Variants in CORO2B observed in about 807,000 individuals in gnomAD.
CORO2B encodes coronin 2B, also known as coronin-2B.
In CORO2B, 26 loss-of-function variants were observed where a neutral mutation model predicts 58.8. The ratio of observed to expected loss-of-function variants is 0.44; its 90% CI spans 0.32 to 0.61. The LOEUF is 0.61. Ranked by LOEUF, CORO2B falls within the 20% of genes least tolerant of loss-of-function variation. The pLI, the probability that CORO2B is intolerant of heterozygous loss-of-function variation, is 0.04. For synonymous variants in CORO2B, 242 were observed against 253.8 expected, an observed-to-expected ratio of 0.95 and a Z score of 0.44; for missense variants, 460 against 645.1, an observed-to-expected ratio of 0.71 and a Z score of 3.11.
At chr15:68,571,543 CA>C in the CORO2B span, among the ~76,000 whole-genome samples, 6 of 152,184 alleles carry the variant, frequency 3.9e-5, no homozygotes, top group Non-Finnish European at 8.8e-5. Flanking sequence ...GGAAAATAAA[CA>C]AATATGTTAC....
rs1892890974 is a variant in CORO2B at position 68,710,607 on chromosome 15, C to T, written c.334-125C>T. The T allele has an allele frequency of 2.5e-6, 3 of 1,205,138 alleles. No individual in the cohort carries two copies. The highest frequency in any genetic ancestry group is 2.7e-5 in the East Asian group (1 of 36,766). 74.7% of individuals were successfully genotyped at this position (1,205,138 alleles called of 1,614,324 possible). A position where few individuals can be genotyped will look rare whatever the true frequency, so the allele number is the denominator to read the frequency against. On this transcript the variant is annotated intron_variant, in intron 3 of 11. Transcript: ENST00000261861. This position sits in a 1 kb window ranked among gnomAD's most constrained non-coding sequence, Gnocchi z 4.1. ...GCCTCAGTCGAGCTTTGCCCATCGC[C>T]TCAAGCCAGGAGGTGGCTCATCAGG...
intron 1 of CORO2B, among the ~76,000 whole-genome samples, chr15:68,634,512 GGAGGTAAA>G (rs1900966182): frequency 6.6e-6 from 1 of 152,178 alleles, no homozygotes; most frequent in African/African-American, 2.4e-5. Context: ...GGAGGAACTG[GGAGGTAAA>G]GGGACAGATG....
chr15:68,660,741 C>T (rs1367337227), intron 2 of CORO2B, among the ~76,000 whole-genome samples: 1 of 152,148 alleles, frequency 6.6e-6, no homozygotes, highest in Non-Finnish European at 1.5e-5. Context: ...TCATTATTTC[C>T]TTGAATGGCT....
chr15:68,630,397 A>G (rs1334492012), intron 1 of CORO2B, among the ~76,000 whole-genome samples: 2 of 150,734 alleles, frequency 1.3e-5, no homozygotes, highest in Non-Finnish European at 2.9e-5. Flanking sequence ...GTGCTGAGGG[A>G]TGAGAGAAAA....
intron 1 of CORO2B, among the ~76,000 whole-genome samples, chr15:68,595,038 G>T (rs943938919): frequency 2.0e-5 from 3 of 152,176 alleles, no homozygotes; most frequent in Admixed American, 6.5e-5. Flanking sequence ...AGTTCTGTCT[G>T]CCCCTTGATA....
intron 2 of CORO2B, among the ~76,000 whole-genome samples, chr15:68,680,944 T>C (rs1387435480): frequency 3.3e-5 from 5 of 152,186 alleles, no homozygotes; most frequent in Admixed American, 2.6e-4. Flanking sequence ...CCGGGCGCGG[T>C]GGCTCACGCC....
At chr15:68,661,047 A>G (rs1901998073) in intron 2 of CORO2B, among the ~76,000 whole-genome samples, 1 of 149,906 alleles carries the variant, frequency 6.7e-6, no homozygotes, top group Non-Finnish European at 1.5e-5. Flanking sequence ...GAGTGATGTC[A>G]GCTCACTGCA....
At chr15:68,707,650 A>T (rs1288053040) in intron 3 of CORO2B, among the ~76,000 whole-genome samples, 3 of 152,222 alleles carry the variant, frequency 2.0e-5, no homozygotes, top group African/African-American at 7.2e-5. Flanking sequence ...GTGTAATAGT[A>T]TCCCTTCTGG....
chr15:68,600,546 C>G (rs62002126), intron 1 of CORO2B, among the ~76,000 whole-genome samples: 141 of 152,312 alleles, frequency 9.3e-4, no homozygotes, highest in Non-Finnish European at 1.5e-3. Context: ...AACAGCCTCT[C>G]TCTGAACTCC....
chr15:68,702,339 G>T (rs548722789), intron 3 of CORO2B, among the ~76,000 whole-genome samples: 34 of 152,154 alleles, frequency 2.2e-4, no homozygotes, highest in African/African-American at 8.0e-4. Context: ...TGCATCCAGC[G>T]CCACAACGAC....
At chr15:68,715,340 G>T (rs1169001595) in intron 8 of CORO2B, 29 bp downstream of exon 8, 2 of 1,515,522 alleles carry the variant, frequency 1.3e-6, no homozygotes, top group African/African-American at 1.4e-5. Context: ...GCCACAGCTG[G>T]TGTGCTCATG....
upstream of CORO2B, among the ~76,000 whole-genome samples, chr15:68,577,196 A>T (rs1407363715): frequency 6.6e-6 from 1 of 152,162 alleles, no homozygotes; most frequent in Non-Finnish European, 1.5e-5. Context: ...CTATGTCCTA[A>T]GACACCTGTG....
chr15:68,660,634 G>A (rs1901983318), intron 2 of CORO2B, among the ~76,000 whole-genome samples: 1 of 152,180 alleles, frequency 6.6e-6, no homozygotes, highest in Non-Finnish European at 1.5e-5. Context: ...GCTTCCCAAA[G>A]TGTTGGGATT....
At chr15:68,716,481 G>C (rs1026851955) in intron 8 of CORO2B, among the ~76,000 whole-genome samples, 1 of 152,214 alleles carries the variant, frequency 6.6e-6, no homozygotes, top group Non-Finnish European at 1.5e-5. Context: ...GCGAAGTCCA[G>C]TGGCAAATAA....
At chr15:68,521,762 GTT>G in the CORO2B span, among the ~76,000 whole-genome samples, 1 of 144,366 alleles carries the variant, frequency 6.9e-6, no homozygotes. Context: ...TTTCTTTTTT[GTT>G]TTTTTTTTTC....
In CORO2B at chr15:68,714,573, G is replaced by A. The variant is rs748662371; in HGVS notation, c.780G>A (p.Met260Ile). 3.1e-6 allele frequency: 5 copies of A among 1,613,918 alleles called. No homozygotes were observed. The highest frequency in any genetic ancestry group is 4.2e-6 in the Non-Finnish European group (5 of 1,179,806). The change falls in exon 7 of 12, where the codon ATG becomes ATA. Residue 260 changes from methionine to isoleucine, a missense_variant. By Grantham distance (10) the Met-to-Ile change is conservative (BLOSUM62 1). Coordinates refer to ENST00000261861, the MANE Select transcript of CORO2B (RefSeq NM_006091.5). The stretch of plus-strand genomic sequence containing the variant: ...TTCTCCCTCAGGAGGACCTCTCCAT[G>A]CCCCTGATCGAAGAGGAAATTGATG... ...IALWDQEDLS[M>I]PLIEEEIDGL... is the part of the protein sequence containing the mutation.
the CORO2B span, among the ~76,000 whole-genome samples, chr15:68,561,959 G>C: frequency 2.6e-5 from 4 of 152,116 alleles, no homozygotes; most frequent in Non-Finnish European, 5.9e-5. Flanking sequence ...GATGAGTAGG[G>C]GGAGGGCTGT....
chr15:68,607,934 A>G (rs1468589766), intron 1 of CORO2B, among the ~76,000 whole-genome samples: 3 of 152,092 alleles, frequency 2.0e-5, no homozygotes, highest in Non-Finnish European at 2.9e-5. Flanking sequence ...GGCCTTTATC[A>G]TCTTCTTGTC....
intron 2 of CORO2B, among the ~76,000 whole-genome samples, chr15:68,675,067 A>G (rs1201966352): frequency 6.6e-6 from 1 of 152,186 alleles, no homozygotes. Flanking sequence ...TTCCTTTTGT[A>G]CTGGTCAGAC....
Sources: allele counts gnomAD v4.1 joint callset (sites outside exome capture counted in the v4.1 genomes callset), GRCh38; gene constraint gnomAD v4.1.1; non-coding constraint Gnocchi (gnomAD v3.1); transcripts MANE v1.5; gene names NCBI Gene and HGNC (gene_info 2026-07-23, HGNC 2026-07-21).